Variants in WWP1 observed in about 807,000 individuals in gnomAD.
WWP1 encodes WW domain containing E3 ubiquitin protein ligase 1, also known as NEDD4-like E3 ubiquitin-protein ligase WWP1.
Under a neutral mutation model 130.6 loss-of-function variants are expected in WWP1, and 49 were observed. The ratio of observed to expected loss-of-function variants is 0.38; its 90% CI spans 0.30 to 0.48. The LOEUF (loss-of-function observed/expected upper bound fraction) is 0.48. WWP1 is among the 20% of genes least tolerant of loss of function. The pLI is 0.99. For missense variants in WWP1, 809 were observed against 1,100.6 expected (o/e 0.74, Z 3.75); for synonymous variants, 332 against 367.8 (o/e 0.90, Z 1.11).
At chr8:86,377,139 G>A (rs919473384) in intron 3 of WWP1, among the ~76,000 whole-genome samples, 3 of 152,044 alleles carry the variant, frequency 2.0e-5, no homozygotes, top group African/African-American at 7.2e-5. Context: ...AGGCTGGAGT[G>A]CAGTGGCGTG....
intron 5 of WWP1, among the ~76,000 whole-genome samples, chr8:86,397,027 C>T (rs1318302797): frequency 6.6e-6 from 1 of 152,156 alleles, no homozygotes; most frequent in African/African-American, 2.4e-5. Context: ...CAGGCCTGGC[C>T]ACAAAGAAAT....
rs1345855901 is a variant in WWP1 at position 86,468,498 on chromosome 8, C to T, written c.*1605C>T. Reference sequence around the variant, plus strand: ...GAGGGAAACTGGCCTTCAAAAAGGACTGCGTATACCATAAAAGAGTTAAGT... The same window carrying T: ...GAGGGAAACTGGCCTTCAAAAAGGATTGCGTATACCATAAAAGAGTTAAGT... On this transcript the variant is annotated 3_prime_UTR_variant, in exon 25 of 25. Transcript: ENST00000517970. 1 of 412,520 alleles carries T rather than the reference C, an allele frequency of 2.4e-6. No homozygotes were observed. The highest frequency in any genetic ancestry group is 4.7e-6 in the Non-Finnish European group (1 of 211,526). The allele number at this position is 412,520 out of a possible 1,614,324, so 25.6% of individuals were successfully genotyped here. A position where few individuals can be genotyped will look rare whatever the true frequency, so the allele number is the denominator to read the frequency against.
chr8:86,458,436 A>G (rs1363871945), intron 22 of WWP1, among the ~76,000 whole-genome samples: 2 of 152,186 alleles, frequency 1.3e-5, no homozygotes. Flanking sequence ...CGAGGGGATA[A>G]TGTCTAAGAA....
At chr8:86,432,795 A>G (rs568584331) in intron 14 of WWP1, among the ~76,000 whole-genome samples, 199 of 152,124 alleles carry the variant, frequency 1.3e-3, no homozygotes, top group African/African-American at 4.6e-3. Flanking sequence ...TTCAGTAGAG[A>G]TGGGGTTTCG....
At chr8:86,388,330 C>T (rs1005107035) in intron 5 of WWP1, among the ~76,000 whole-genome samples, 25 of 151,654 alleles carry the variant, frequency 1.6e-4, no homozygotes, top group Admixed American at 5.9e-4. Context: ...TCCTAGTGTA[C>T]GGTAGCCTCC....
At chr8:86,390,513 C>T (rs544987330) in intron 5 of WWP1, among the ~76,000 whole-genome samples, 3 of 152,110 alleles carry the variant, frequency 2.0e-5, no homozygotes, top group African/African-American at 4.8e-5. Flanking sequence ...TCCAACACGG[C>T]GAAACCCCGT....
intron 17 of WWP1, among the ~76,000 whole-genome samples, chr8:86,441,496 GT>G (rs1375655560): frequency 1.3e-5 from 2 of 152,186 alleles, no homozygotes; most frequent in East Asian, 3.9e-4. Flanking sequence ...TGATTTTACA[GT>G]TTTTAAATTA....
rs1823653830 is a variant in WWP1 at position 86,362,037 on chromosome 8, CATATATATACACACAT to C, written c.-114-6896_-114-6881del. Among the ~76,000 whole-genome samples the C allele has an allele frequency of 3.0e-5, 3 of 98,492 alleles. No individual in the cohort carries two copies. In the South Asian group the frequency reaches 9.4e-4, roughly 31 times the overall value. 64.6% of individuals were successfully genotyped at this position (98,492 alleles called of 152,430 possible). On this transcript the variant is annotated intron_variant, in intron 1 of 24. Transcript: ENST00000517970. ...ATATATACACATATATATACACACA[CATATATATACACACAT>C]ATATACACACATATATATACACATA... is the stretch of plus-strand genomic sequence containing the variant.
rs186459655 is a variant in WWP1 at position 86,367,926 on chromosome 8, A to G, written c.-114-1013A>G. On this transcript the variant is annotated intron_variant, in intron 1 of 24. Transcript: ENST00000517970. ...AAATATCTCCACTGTGAACAAGCCC[A>G]TTGTCTTCCATGGAAGTTAATACCA... is the stretch of plus-strand genomic sequence containing the variant. 2.5e-3 allele frequency among the ~76,000 whole-genome samples: 376 copies of G among 152,268 alleles called. 1 individual carries two copies. Among genetic ancestry groups the G allele is most frequent in the Admixed American group, 4.5e-3 (69 of 15,304 alleles).
Position 86,431,743 on chromosome 8 carries a change from T to C in WWP1, c.1601T>C (p.Val534Ala), listed in dbSNP as rs749208541. The C allele has an allele frequency of 1.2e-6, 2 of 1,613,702 alleles. No individual in the cohort carries two copies. Among genetic ancestry groups the C allele is most frequent in the South Asian group, 1.1e-5 (1 of 90,936 alleles). The change falls in exon 14 of 25, where the codon GTA (valine) becomes GCA (alanine). Residue 534 changes from valine to alanine, a missense_variant and splice_region_variant. Around this residue, in one of 3 missense-constraint regions of WWP1, gnomAD observed 450 missense variants for 674.2 expected, o/e 0.67. Transcript: ENST00000517970. ...FKDPRNGKSS[V>A]TKGGPQIAYE... ...GATCCTCGCAATGGGAAGTCATCTG[T>C]GTGAGTGAAAACCTGAAGTTCTCCT...
At chr8:86,390,714 G>C (rs369527723) in intron 5 of WWP1, among the ~76,000 whole-genome samples, 4 of 149,440 alleles carry the variant, frequency 2.7e-5, no homozygotes, top group Non-Finnish European at 5.9e-5. Context: ...AGACGGGAGA[G>C]GGGGAGGGAG....
At chr8:86,434,297 T>C (rs1810162067) in intron 14 of WWP1, among the ~76,000 whole-genome samples, 1 of 152,226 alleles carries the variant, frequency 6.6e-6, no homozygotes, top group African/African-American at 2.4e-5. Context: ...TGACCCCTCT[T>C]ATCTCTTCAA....
intron 8 of WWP1, among the ~76,000 whole-genome samples, chr8:86,406,329 G>A (rs991314441): frequency 2.0e-5 from 3 of 152,084 alleles, no homozygotes; most frequent in Non-Finnish European, 4.4e-5. Flanking sequence ...GTTCCACTTT[G>A]TTCCTCTGGT....
chr8:86,393,387 G>T (rs1473665568), intron 5 of WWP1, among the ~76,000 whole-genome samples: 1 of 151,924 alleles, frequency 6.6e-6, no homozygotes, highest in South Asian at 2.1e-4. Context: ...AGCTGGGACT[G>T]CAGGCACGTG....
At chr8:86,456,080 C>A (rs186591310) in intron 21 of WWP1, among the ~76,000 whole-genome samples, 1 of 151,862 alleles carries the variant, frequency 6.6e-6, no homozygotes, top group African/African-American at 2.4e-5. Flanking sequence ...TAACTATAAG[C>A]CTACCTCAGT....
At chr8:86,358,352 A>G (rs1287913548) in intron 1 of WWP1, among the ~76,000 whole-genome samples, 5 of 152,168 alleles carry the variant, frequency 3.3e-5, no homozygotes, top group Non-Finnish European at 7.3e-5. Context: ...GTTCTATGCT[A>G]TATAGGTATT....
intron 2 of WWP1, among the ~76,000 whole-genome samples, chr8:86,372,319 G>A (rs1385971482): frequency 6.6e-6 from 1 of 152,076 alleles, no homozygotes; most frequent in Non-Finnish European, 1.5e-5. Flanking sequence ...ACCGCGCCCG[G>A]CCTAATTTTT....
intron 20 of WWP1, 35 bp downstream of exon 20, chr8:86,448,548 G>C: frequency 1.3e-6 from 2 of 1,577,912 alleles, no homozygotes; most frequent in Non-Finnish European, 1.7e-6. Context: ...TTAATTTCTA[G>C]AACACTTCAG....
intron 8 of WWP1, among the ~76,000 whole-genome samples, chr8:86,405,609 G>A (rs1206158221): frequency 6.6e-6 from 1 of 152,048 alleles, no homozygotes; most frequent in Non-Finnish European, 1.5e-5. Flanking sequence ...ATGGCTCACT[G>A]TAGCTCTGAC....
Sources: gnomAD v4.1 joint callset for allele counts (sites outside exome capture counted in the v4.1 genomes callset) on GRCh38, gnomAD v4.1.1 for gene constraint, gnomAD v4.1.1 regional missense constraint, MANE v1.5 for transcripts, NCBI Gene and HGNC (gene_info 2026-07-23, HGNC 2026-07-21) for gene names.